HERC3: variants seen among roughly 807,000 people sequenced by gnomAD.
HERC3 encodes HECT and RLD domain containing E3 ubiquitin protein ligase 3, also known as probable E3 ubiquitin-protein ligase HERC3.
Under a neutral mutation model 129.9 loss-of-function variants are expected in HERC3, and 58 were observed. The ratio of observed to expected loss-of-function variants is 0.45; its 90% CI spans 0.36 to 0.56. The LOEUF (loss-of-function observed/expected upper bound fraction) is 0.56. Among genes scored for constraint, HERC3 ranks in the 20% least tolerant of loss-of-function variants. The pLI is 0.00. For missense variants in HERC3, 835 were observed against 1,244.2 expected (o/e 0.67, Z 4.95); for synonymous variants, 430 against 451.0 (o/e 0.95, Z 0.59).
chr4:88,527,637 C>T, the HERC3 span: 1 of 268,118 alleles, frequency 3.7e-6, no homozygotes, highest in Non-Finnish European at 7.2e-6. Context: ...TGGGAGTGCT[C>T]TTCCATAAGC....
At chr4:88,636,050 A>G (rs970406243) in intron 3 of HERC3, among the ~76,000 whole-genome samples, 1 of 152,220 alleles carries the variant, frequency 6.6e-6, no homozygotes, top group Admixed American at 6.5e-5. Context: ...AAGCACACAA[A>G]AATATAAAGA....
the HERC3 span, among the ~76,000 whole-genome samples, chr4:88,549,893 C>A: frequency 2.0e-5 from 3 of 152,038 alleles, no homozygotes; most frequent in African/African-American, 4.8e-5. Context: ...AGCCAGCCTG[C>A]GGATGTGACC....
chr4:88,684,963 A>G (rs1306510191), intron 21 of HERC3: 1 of 152,342 alleles, frequency 6.6e-6, no homozygotes, highest in Non-Finnish European at 1.5e-5. Flanking sequence ...ACAAAAGAAG[A>G]CATTTATGTG....
intron 3 of HERC3, among the ~76,000 whole-genome samples, chr4:88,634,858 G>C (rs766207117): frequency 1.3e-5 from 2 of 152,126 alleles, no homozygotes; most frequent in African/African-American, 4.8e-5. Context: ...ATGCAGGAGT[G>C]AACCAGATGA....
chr4:88,676,490 ATTTTTT>A, intron 18 of HERC3, 67 bp downstream of exon 18: 1 of 1,125,268 alleles, frequency 8.9e-7, no homozygotes, highest in South Asian at 1.3e-5. Flanking sequence ...TTCAGTTGTA[ATTTTTT>A]CTAGTAGGAG....
chr4:88,618,979 C>T (rs1725222283), intron 3 of HERC3, among the ~76,000 whole-genome samples: 1 of 150,454 alleles, frequency 6.6e-6, no homozygotes, highest in Non-Finnish European at 1.5e-5. Context: ...TGTGTCCAGC[C>T]AGGGGAGCTG....
chr4:88,616,447 G>C (rs1361317784), intron 3 of HERC3, among the ~76,000 whole-genome samples: 1 of 152,214 alleles, frequency 6.6e-6, no homozygotes, highest in Non-Finnish European at 1.5e-5. Context: ...TAGCTGGGTA[G>C]TATGATCTTG....
chr4:88,542,304 C>T, the HERC3 span, among the ~76,000 whole-genome samples: 4 of 152,158 alleles, frequency 2.6e-5, no homozygotes, highest in Non-Finnish European at 5.9e-5. Context: ...TCAGATAATA[C>T]TATAAACACC....
chr4:88,676,827 ATTTT>A (rs1732218959), intron 18 of HERC3, among the ~76,000 whole-genome samples: 1 of 152,152 alleles, frequency 6.6e-6, no homozygotes, highest in Non-Finnish European at 1.5e-5. Context: ...TCTTCATTTA[ATTTT>A]TTTCACCCAT....
the HERC3 span, chr4:88,583,816 G>A: frequency 6.6e-6 from 1 of 152,190 alleles, no homozygotes; most frequent in East Asian, 1.9e-4. Flanking sequence ...TTGTCAGATT[G>A]GAAATGTCAT....
the HERC3 span, among the ~76,000 whole-genome samples, chr4:88,577,601 G>A: frequency 4.0e-5 from 4 of 99,326 alleles, no homozygotes; most frequent in Non-Finnish European, 6.8e-5. Context: ...GTGTGTATGT[G>A]TGTGTATATA....
At chr4:88,542,893 C>A in the HERC3 span, among the ~76,000 whole-genome samples, 1 of 152,196 alleles carries the variant, frequency 6.6e-6, no homozygotes, top group Non-Finnish European at 1.5e-5. Context: ...AACAGCCCTT[C>A]ATGCTGAAAA....
the HERC3 span, among the ~76,000 whole-genome samples, chr4:88,581,517 G>T: frequency 6.6e-6 from 1 of 151,744 alleles, no homozygotes; most frequent in Non-Finnish European, 1.5e-5. Context: ...TGCTTGCCAG[G>T]CTGGTCTCGA....
chr4:88,620,864 C>T (rs1423119324), intron 3 of HERC3, among the ~76,000 whole-genome samples: 3 of 152,120 alleles, frequency 2.0e-5, no homozygotes, highest in Non-Finnish European at 4.4e-5. Context: ...TTTATTCCTT[C>T]AGGTCTCTGC....
the HERC3 span, among the ~76,000 whole-genome samples, chr4:88,554,826 A>C: frequency 6.6e-6 from 1 of 152,184 alleles, no homozygotes; most frequent in Non-Finnish European, 1.5e-5. Flanking sequence ...TAGGTATAGC[A>C]AGTATACCAA....
At chr4:88,548,564 G>A in the HERC3 span, among the ~76,000 whole-genome samples, 3 of 151,474 alleles carry the variant, frequency 2.0e-5, no homozygotes, top group Admixed American at 2.0e-4. Context: ...TTATTATTGA[G>A]TTCTAAGAGT....
At chr4:88,615,868 T>C (rs1484757954) in intron 3 of HERC3, among the ~76,000 whole-genome samples, 1 of 152,220 alleles carries the variant, frequency 6.6e-6, no homozygotes, top group Non-Finnish European at 1.5e-5. Context: ...CTAGCTATTA[T>C]CATTATTTGT....
intron 10 of HERC3, among the ~76,000 whole-genome samples, chr4:88,660,572 A>T (rs918234889): frequency 5.9e-5 from 9 of 152,260 alleles, no homozygotes; most frequent in African/African-American, 2.2e-4. Flanking sequence ...GAAGGGAGGG[A>T]AGGAGTTATA....
intron 12 of HERC3, among the ~76,000 whole-genome samples, chr4:88,664,696 A>G (rs1730859509): frequency 6.6e-6 from 1 of 152,134 alleles, no homozygotes; most frequent in South Asian, 2.1e-4. Context: ...TTAATTCCTC[A>G]GATAATTTTC....
Sources: gnomAD v4.1 joint callset for allele counts (sites outside exome capture counted in the v4.1 genomes callset) on GRCh38, gnomAD v4.1.1 for gene constraint, MANE v1.5 for transcripts, NCBI Gene and HGNC (gene_info 2026-07-23, HGNC 2026-07-21) for gene names.